LRTM3: variants seen among roughly 807,000 people sequenced by gnomAD.
LRTM3 encodes the protein leucine-rich repeat transmembrane protein 3.
chr13:102,729,764 T>C, the LRTM3 span: 1 of 1,551,926 alleles, frequency 6.4e-7, no homozygotes, highest in Non-Finnish European at 8.7e-7. Flanking sequence ...CTCATAATCA[T>C]ACACTCTCTT....
the LRTM3 span, chr13:102,745,238 T>C: frequency 1.3e-6 from 2 of 1,550,844 alleles, no homozygotes; most frequent in African/African-American, 1.4e-5. Context: ...CAATGCCTCC[T>C]GTTTCCTTTC....
At chr13:102,754,349 A>C in the LRTM3 span, among the ~76,000 whole-genome samples, 4 of 152,100 alleles carry the variant, frequency 2.6e-5, no homozygotes, top group Non-Finnish European at 5.9e-5. Flanking sequence ...ACCTCCTGAC[A>C]TATAATTTAT....
At chr13:102,740,881 G>A in the LRTM3 span, 1 of 1,549,944 alleles carries the variant, frequency 6.5e-7, no homozygotes, top group East Asian at 2.4e-5. Flanking sequence ...CCATTAAAGA[G>A]TGAGAAACAG....
the LRTM3 span, among the ~76,000 whole-genome samples, chr13:102,755,901 A>ATGTGTGTGTGTGTGTGTGTG: frequency 1.0e-5 from 1 of 98,862 alleles, no homozygotes; most frequent in South Asian, 3.4e-4. Context: ...ACACATATAT[A>ATGTGTGTGTGTGTGTGTGTG]TGTGTGTGTG....
chr13:102,735,178 G>A, the LRTM3 span: 7 of 1,551,316 alleles, frequency 4.5e-6, no homozygotes, highest in Non-Finnish European at 5.2e-6. Context: ...CACTGAAACT[G>A]TGCGTATGTA....
chr13:102,735,014 G>T, the LRTM3 span: 3 of 1,551,182 alleles, frequency 1.9e-6, no homozygotes, highest in Non-Finnish European at 8.7e-7. Context: ...AGAGGGTCTT[G>T]TTAATATTGG....
the LRTM3 span, chr13:102,739,762 C>A: frequency 1.3e-6 from 2 of 1,548,946 alleles, no homozygotes; most frequent in Non-Finnish European, 1.7e-6. Flanking sequence ...TTGAGATCAC[C>A]CCATCAATTG....
chr13:102,733,574 A>AT, the LRTM3 span: 1 of 1,551,184 alleles, frequency 6.4e-7, no homozygotes, highest in Non-Finnish European at 8.7e-7. Flanking sequence ...CAGACCTCCC[A>AT]TTTTAGTTGC....
chr13:102,756,475 C>G, the LRTM3 span, among the ~76,000 whole-genome samples: 1 of 151,290 alleles, frequency 6.6e-6, no homozygotes, highest in African/African-American at 2.4e-5. Context: ...GGGTTCGAGA[C>G]CAGCCTGGCC....
At chr13:102,742,478 A>T in the LRTM3 span, 1 of 1,549,734 alleles carries the variant, frequency 6.5e-7, no homozygotes, top group East Asian at 2.4e-5. Flanking sequence ...TGCAGTTTTA[A>T]ATTCTTTCTT....
chr13:102,746,815 A>G, the LRTM3 span: 49 of 1,551,180 alleles, frequency 3.2e-5, no homozygotes, highest in Admixed American at 9.6e-4. Flanking sequence ...TTTGGTTTAA[A>G]GGGTCTCCAA....
the LRTM3 span, chr13:102,746,133 G>T: frequency 1.3e-6 from 2 of 1,551,126 alleles, no homozygotes; most frequent in South Asian, 2.4e-5. Context: ...AAAGTAGTTT[G>T]TTCAAAACCT....
chr13:102,746,252 A>G, the LRTM3 span: 1 of 1,550,962 alleles, frequency 6.4e-7, no homozygotes, highest in Non-Finnish European at 8.7e-7. Context: ...CTCAGACCCC[A>G]GGTGCTGGCT....
At chr13:102,744,067 T>TTAC in the LRTM3 span, 1 of 1,550,036 alleles carries the variant, frequency 6.5e-7, no homozygotes, top group Non-Finnish European at 8.7e-7. Flanking sequence ...TCTTAGCATA[T>TTAC]TCAGTGGCAC....
the LRTM3 span, chr13:102,735,238 A>G: frequency 1.3e-6 from 2 of 1,551,296 alleles, no homozygotes; most frequent in Non-Finnish European, 1.7e-6. Context: ...GATCCAGTAC[A>G]CTGGTCATAT....
At chr13:102,753,498 AAAAAAAAAAAGAAAAG>A in the LRTM3 span, among the ~76,000 whole-genome samples, 13 of 151,512 alleles carry the variant, frequency 8.6e-5, no homozygotes, top group East Asian at 3.9e-4. Context: ...TAAAATTAAA[AAAAAAAAAAAGAAAAG>A]AAAAAAAAAA....
At chr13:102,754,174 C>T in the LRTM3 span, among the ~76,000 whole-genome samples, 1 of 142,502 alleles carries the variant, frequency 7.0e-6, no homozygotes, top group Non-Finnish European at 1.5e-5. Context: ...CATTGCACTC[C>T]AGCCTGGGCA....
the LRTM3 span, chr13:102,742,262 GT>G: frequency 6.5e-7 from 1 of 1,550,334 alleles, no homozygotes; most frequent in Non-Finnish European, 8.7e-7. Context: ...CTGGGAAACT[GT>G]TATTCTTTTT....
At chr13:102,744,294 A>T in the LRTM3 span, 1 of 1,550,532 alleles carries the variant, frequency 6.4e-7, no homozygotes, top group Non-Finnish European at 8.7e-7. Flanking sequence ...TCATATTCAG[A>T]TGACATGAGG....
Sources: allele counts gnomAD v4.1 joint callset (sites outside exome capture counted in the v4.1 genomes callset), GRCh38; gene constraint gnomAD v4.1.1; transcripts MANE v1.5; gene names NCBI Gene and HGNC (gene_info 2026-07-23, HGNC 2026-07-21).